P2RY14: variants seen among roughly 807,000 people sequenced by gnomAD.
P2RY14 encodes the protein purinergic receptor P2Y14, also known as P2Y purinoceptor 14.
A neutral mutation model predicts 0.9 loss-of-function variants in P2RY14; 2 were observed. The observed-to-expected ratio is 2.16, with a 90% CI of 0.88 to 6.79. The LOEUF (loss-of-function observed/expected upper bound fraction) is 6.79, where lower values mean the gene tolerates loss of function less well. Ranked by LOEUF, P2RY14 falls within the 30% of genes most tolerant of loss-of-function variation. The pLI, the probability that P2RY14 is intolerant of heterozygous loss-of-function variation, is 0.05. For synonymous variants in P2RY14, 158 were observed against 147.2 expected (o/e 1.07, Z -0.53); for missense variants, 378 against 400.1 (o/e 0.94, Z 0.47).
chr3:151,257,723 G>T (rs2149482161), intron 1 of P2RY14, among the ~76,000 whole-genome samples: 1 of 152,278 alleles, frequency 6.6e-6, no homozygotes, highest in South Asian at 2.1e-4. Flanking sequence ...ACATGCTTTT[G>T]AAATTCAGTG....
intron 1 of P2RY14, among the ~76,000 whole-genome samples, chr3:151,236,515 C>A (rs1473138214): frequency 6.6e-6 from 1 of 152,174 alleles, no homozygotes; most frequent in South Asian, 2.1e-4. Context: ...AAAGCCAAGA[C>A]CTTGACAGTA....
At chr3:151,276,391 T>C (rs1741861209) in intron 1 of P2RY14, among the ~76,000 whole-genome samples, 1 of 152,266 alleles carries the variant, frequency 6.6e-6, no homozygotes, top group Admixed American at 6.5e-5. Flanking sequence ...ACACTCCTTA[T>C]TGTCCATCAT....
chr3:151,237,787 T>G (rs953254060), intron 1 of P2RY14, among the ~76,000 whole-genome samples: 2 of 152,226 alleles, frequency 1.3e-5, no homozygotes, highest in Non-Finnish European at 2.9e-5. Flanking sequence ...GTTATTATAT[T>G]GTAGTCTTCA....
At chr3:151,267,411 A>G (rs531510588) in intron 1 of P2RY14, among the ~76,000 whole-genome samples, 1 of 152,334 alleles carries the variant, frequency 6.6e-6, no homozygotes, top group East Asian at 1.9e-4. Flanking sequence ...AAGAAACAAT[A>G]TCAAGGTTAT....
At chr3:151,241,238 A>G (rs532895175) in intron 1 of P2RY14, among the ~76,000 whole-genome samples, 5 of 152,334 alleles carry the variant, frequency 3.3e-5, no homozygotes, top group African/African-American at 1.2e-4. Context: ...AATTGTTGAT[A>G]TTTTACAATT....
intron 1 of P2RY14, among the ~76,000 whole-genome samples, chr3:151,276,616 C>T (rs770395775): frequency 1.2e-4 from 18 of 152,150 alleles, no homozygotes; most frequent in Non-Finnish European, 2.5e-4. Flanking sequence ...GTTCATAGAG[C>T]CTTAGGCTTA....
intron 2 of P2RY14, among the ~76,000 whole-genome samples, chr3:151,217,470 T>C (rs1319644955): frequency 6.6e-6 from 1 of 152,244 alleles, no homozygotes. Context: ...AGGGACTGAC[T>C]GACCAAGGTA....
At chr3:151,247,378 G>T (rs2149425072) in intron 1 of P2RY14, among the ~76,000 whole-genome samples, 1 of 152,192 alleles carries the variant, frequency 6.6e-6, no homozygotes, top group South Asian at 2.1e-4. Flanking sequence ...GTCCAACAAT[G>T]ATAGACTGGA....
chr3:151,277,466 A>G (rs1221256436), intron 1 of P2RY14, among the ~76,000 whole-genome samples: 1 of 152,068 alleles, frequency 6.6e-6, no homozygotes, highest in Non-Finnish European at 1.5e-5. Flanking sequence ...TTTTAGAAAG[A>G]TGAATATACA....
intron 1 of P2RY14, among the ~76,000 whole-genome samples, chr3:151,221,409 A>C (rs1729326041): frequency 1.3e-5 from 2 of 152,252 alleles, no homozygotes; most frequent in Admixed American, 1.3e-4. Flanking sequence ...AAATGTATCC[A>C]GGGCATGTCA....
At chr3:151,242,553 G>T (rs1734414039) in intron 1 of P2RY14, among the ~76,000 whole-genome samples, 2 of 152,274 alleles carry the variant, frequency 1.3e-5, no homozygotes, top group Non-Finnish European at 2.9e-5. Context: ...TGCAGCTGAG[G>T]GTCCTGTCTG....
Position 151,213,383 on chromosome 3 carries a change from T to A in P2RY14, c.934A>T (p.Ile312Phe), listed in dbSNP as rs747410948. 1.9e-6 allele frequency: 3 copies of A among 1,613,844 alleles called. No individual in the cohort carries two copies. The highest frequency in any genetic ancestry group is 1.7e-6 in the Non-Finnish European group (2 of 1,179,852). The change falls in exon 3 of 3, where the codon ATT (isoleucine) becomes TTT (phenylalanine). Residue 312 changes from isoleucine (I) to phenylalanine (F), a missense_variant. Transcript: ENST00000309170. ...FREILCKKLH[I>F]PLKAQNDLDI... is the part of the protein sequence containing the mutation. ...AGGTCATTCTGAGCTTTTAATGGAATGTGCAATTTCTTACATAAGATTTCC... is the reference window on the plus strand; with the variant it reads ...AGGTCATTCTGAGCTTTTAATGGAAAGTGCAATTTCTTACATAAGATTTCC...
chr3:151,265,267 G>C (rs1381248168), intron 1 of P2RY14, among the ~76,000 whole-genome samples: 1 of 152,212 alleles, frequency 6.6e-6, no homozygotes, highest in Non-Finnish European at 1.5e-5. Flanking sequence ...ACTTTAAATA[G>C]TCATCATGGA....
At chr3:151,263,047 G>A (rs571938421) in intron 1 of P2RY14, among the ~76,000 whole-genome samples, 38 of 152,226 alleles carry the variant, frequency 2.5e-4, no homozygotes, top group South Asian at 2.1e-4. Flanking sequence ...TGACTGTCGC[G>A]TGGGGTGGCG....
chr3:151,261,682 G>C (rs1163628353), intron 1 of P2RY14, among the ~76,000 whole-genome samples: 1 of 120,864 alleles, frequency 8.3e-6, no homozygotes, highest in Non-Finnish European at 1.7e-5. Flanking sequence ...CCAGTGGTAC[G>C]TGGTGTTTTG....
intron 1 of P2RY14, among the ~76,000 whole-genome samples, chr3:151,245,425 T>C (rs1577099795): frequency 6.8e-6 from 1 of 147,522 alleles, no homozygotes; most frequent in African/African-American, 2.5e-5. Flanking sequence ...TCCACCATGA[T>C]CAAGTGGGCT....
At chr3:151,239,411 A>T (rs1008330775) in intron 1 of P2RY14, among the ~76,000 whole-genome samples, 1 of 152,186 alleles carries the variant, frequency 6.6e-6, no homozygotes, top group Non-Finnish European at 1.5e-5. Flanking sequence ...TCTTCAACAT[A>T]CTTTTAACCT....
At chr3:151,250,435 C>G (rs980432393) in intron 1 of P2RY14, among the ~76,000 whole-genome samples, 1 of 152,126 alleles carries the variant, frequency 6.6e-6, no homozygotes, top group African/African-American at 2.4e-5. Context: ...AATAATTCTC[C>G]ATTTATCCTT....
intron 2 of P2RY14, among the ~76,000 whole-genome samples, chr3:151,218,973 A>T (rs1577006825): frequency 1.3e-5 from 2 of 151,648 alleles, no homozygotes; most frequent in Non-Finnish European, 2.9e-5. Context: ...ACAAATCCAG[A>T]TATATGAGAA....
Sources: gnomAD v4.1 joint callset for allele counts (sites outside exome capture counted in the v4.1 genomes callset) on GRCh38, gnomAD v4.1.1 for gene constraint, MANE v1.5 for transcripts, NCBI Gene and HGNC (gene_info 2026-07-23, HGNC 2026-07-21) for gene names.